AIFM2: variants seen among roughly 807,000 people sequenced by gnomAD.
AIFM2 encodes ferroptosis suppressor protein 1.
A neutral mutation model predicts 35.7 loss-of-function variants in AIFM2; 38 were observed. The ratio of observed to expected loss-of-function variants is 1.06; its 90% CI spans 0.82 to 1.39. The LOEUF is 1.39. Ranked by LOEUF, AIFM2 falls within the 40% of genes most tolerant of loss-of-function variation. AIFM2 has a pLI of 0.00. For synonymous variants in AIFM2, 185 were observed against 203.5 expected (o/e 0.91, Z 0.77); for missense variants, 476 against 491.2 (o/e 0.97, Z 0.29).
chr10:70,121,026 C>T (rs1319768377), intron 4 of AIFM2, 66 bp downstream of exon 4: 3 of 1,568,236 alleles, frequency 1.9e-6, no homozygotes, highest in Non-Finnish European at 2.6e-6. Context: ...AGCTGCAGGC[C>T]TAGGCATCCC....
At chr10:70,121,475 G>A (rs1426608061) in intron 3 of AIFM2, among the ~76,000 whole-genome samples, 2 of 152,104 alleles carry the variant, frequency 1.3e-5, no homozygotes, top group Non-Finnish European at 2.9e-5. Flanking sequence ...GGGGGCAACT[G>A]GAGCCACCCA....
Position 70,117,790 on chromosome 10 carries a change from A to T in AIFM2, c.616+22T>A, listed in dbSNP as rs750422578. 6.3e-6 allele frequency: 10 copies of T among 1,581,596 alleles called. No homozygotes were observed. Among genetic ancestry groups the T allele is most frequent in the Non-Finnish European group, 8.6e-6 (10 of 1,160,360 alleles). On this transcript the variant is annotated intron_variant, in intron 6 of 8. Coordinates refer to ENST00000307864, the MANE Select transcript of AIFM2 (RefSeq NM_032797.6). The surrounding 1 kb of genome is among the most constrained non-coding windows in gnomAD (Gnocchi z 4.7). ...CTCACCAGGCCAGGGCAGGGCAGGG[A>T]GGGAGGTGAGGGTGCACGTACTCAG...
In AIFM2 at chr10:70,121,146, A is replaced by G. The variant is rs1198888399; in HGVS notation, c.360T>C (p.Asn120=). 7 of 1,603,468 alleles carry G rather than the reference A, an allele frequency of 4.4e-6. No homozygotes were observed. The highest frequency in any genetic ancestry group is 2.8e-5 in the African/African-American group (2 of 72,328). ...TAGCGGCCTGCTGGCTGGAAACCTC[A>G]TTAAACTTGCCCGGGAAGGGCCCAG... ...GSTGPFPGKF[N]EVSSQQAAIQ... is the part of the protein sequence containing the mutation. The change falls in exon 4 of 9, where the codon AAT becomes AAC. Residue 120 remains asparagine, a synonymous_variant. Coordinates refer to ENST00000307864, the MANE Select transcript of AIFM2 (RefSeq NM_032797.6).
At position 70,123,915 on chromosome 10, in the gene AIFM2, A is replaced by C. The variant is rs892516562; in HGVS notation, c.170T>G (p.Val57Gly). ...HHNVAALRAS[V>G]ETGFAKKTFI... Reference sequence around the variant, plus strand: ...AGACGGGAGCACATTACCTGTCTCCACGGAGGCTCGGAGAGCAGCCACATT... The same window carrying C: ...AGACGGGAGCACATTACCTGTCTCCCCGGAGGCTCGGAGAGCAGCCACATT... The change falls in exon 2 of 9, where the codon GTG (valine) becomes GGG (glycine). Residue 57 changes from valine (V) to glycine (G), a missense_variant. Transcript: ENST00000307864. 1 of 1,585,040 alleles carries C rather than the reference A, an allele frequency of 6.3e-7. No individual in the cohort carries two copies. Among genetic ancestry groups the C allele is most frequent in the African/African-American group, 1.3e-5 (1 of 74,104 alleles).
At position 70,112,493 on chromosome 10, in the gene AIFM2, T is replaced by TAAAG. The variant is rs1004372758; in HGVS notation, c.*1681_*1684dup. The stretch of plus-strand genomic sequence containing the variant: ...AAGGTGGGCTTCCCTTCGTGGTCCA[T>TAAAG]AAAGAAAGACAGATACTTGGATGCA... On this transcript the variant is annotated 3_prime_UTR_variant, in exon 9 of 9. Transcript: ENST00000307864. 13 of 152,146 alleles carry TAAAG rather than the reference T, an allele frequency of 8.5e-5. No homozygotes were observed. The highest frequency in any genetic ancestry group is 2.9e-4 in the African/African-American group (12 of 41,448). 9.4% of individuals were successfully genotyped at this position (152,146 alleles called of 1,614,324 possible).
chr10:70,116,633 C>T lies in AIFM2; in HGVS notation c.758G>A (p.Arg253His), dbSNP rs145619443. ...TGIKINSSAY[R>H]KAFESRLASS... is the part of the protein sequence containing the mutation. ...GGGCACCTGCTCACCAAACGCTTTGCGGTAGGCGGAGCTGTTGATCTTGAT... is the reference window on the plus strand; with the variant it reads ...GGGCACCTGCTCACCAAACGCTTTGTGGTAGGCGGAGCTGTTGATCTTGAT... Residue 253 changes from arginine to histidine, a missense_variant, in exon 7 of 9, where the codon CGC (arginine) becomes CAC (histidine). Physicochemically the swap from Arg to His is conservative, Grantham distance 29 (BLOSUM62 0). Coordinates refer to ENST00000307864, the MANE Select transcript of AIFM2 (RefSeq NM_032797.6). 1.7e-5 allele frequency: 28 copies of T among 1,613,574 alleles called. No individual in the cohort carries two copies. The African/African-American group carries it at 2.4e-4, about 14-fold the overall frequency.
Position 70,113,532 on chromosome 10 carries a change from A to G in AIFM2, c.*646T>C, listed in dbSNP as rs2072400367. ...ACAGGGCGAGACTGTCTCAAAAATA[A>G]ATAAACAAACAAACAAATAAAGTGG... On this transcript the variant is annotated 3_prime_UTR_variant, in exon 9 of 9. Coordinates refer to ENST00000307864, the MANE Select transcript of AIFM2 (RefSeq NM_032797.6). 1 of 152,270 alleles carries G rather than the reference A, an allele frequency of 6.6e-6. No homozygotes were observed. Among genetic ancestry groups the G allele is most frequent in the Admixed American group, 6.5e-5 (1 of 15,268 alleles). The allele number at this position is 152,270 out of a possible 1,614,324, so 9.4% of individuals were successfully genotyped here. A position where few individuals can be genotyped will look rare whatever the true frequency, so the allele number is the denominator to read the frequency against.
Position 70,116,617 on chromosome 10 carries a change from C to T in AIFM2, c.769+5G>A. On this transcript the variant is annotated splice_donor_5th_base_variant and intron_variant, in intron 7 of 8. Coordinates refer to ENST00000307864, the MANE Select transcript of AIFM2 (RefSeq NM_032797.6). ...CAGGGGAAGCCCGGCTGGGCACCTG[C>T]TCACCAAACGCTTTGCGGTAGGCGG... 1.9e-6 allele frequency: 3 copies of T among 1,613,254 alleles called. No homozygotes were observed. The highest frequency in any genetic ancestry group is 2.5e-6 in the Non-Finnish European group (3 of 1,179,874).
chr10:70,120,440 A>G, intron 5 of AIFM2, 67 bp downstream of exon 5: 1 of 1,508,660 alleles, frequency 6.6e-7, no homozygotes, highest in Non-Finnish European at 9.2e-7. Flanking sequence ...CAAATTCCTG[A>G]TGTTCCTAAG....
Position 70,121,077 on chromosome 10 carries a change from C to T in AIFM2, c.414+15G>A. 3 of 1,607,524 alleles carry T rather than the reference C, an allele frequency of 1.9e-6. No homozygotes were observed. The highest frequency in any genetic ancestry group is 2.5e-6 in the Non-Finnish European group (3 of 1,178,576). On this transcript the variant is annotated intron_variant, in intron 4 of 8. Coordinates refer to ENST00000307864, the MANE Select transcript of AIFM2 (RefSeq NM_032797.6). ...ATCTGCCCACACTGCCCCATGCCTT[C>T]AGTGCACAGCTCACCTGCCTCACCA...
In AIFM2 at chr10:70,131,482, C is replaced by T. The variant is rs2072626062; in HGVS notation, c.-14+1252G>A. Among the ~76,000 whole-genome samples, 1 of 152,226 alleles carries T rather than the reference C, an allele frequency of 6.6e-6. No homozygotes were observed. Among genetic ancestry groups the T allele is most frequent in the African/African-American group, 2.4e-5 (1 of 41,466 alleles). ...AAAGGGACTCAAAGTCTAAGGGAGGCAGCCTCCTTTTATCCCCAGGGGAGG... is the reference window on the plus strand; with the variant it reads ...AAAGGGACTCAAAGTCTAAGGGAGGTAGCCTCCTTTTATCCCCAGGGGAGG... On this transcript the variant is annotated intron_variant, in intron 1 of 8. Coordinates refer to ENST00000307864, the MANE Select transcript of AIFM2 (RefSeq NM_032797.6). The surrounding 1 kb of genome is among the most constrained non-coding windows in gnomAD (Gnocchi z 4.1).
At position 70,124,068 on chromosome 10, in the gene AIFM2, G is replaced by A. The variant is rs775593494; in HGVS notation, c.17C>T (p.Ser6Leu). 19 of 1,559,828 alleles carry A rather than the reference G, an allele frequency of 1.2e-5. No individual in the cohort carries two copies. The highest frequency in any genetic ancestry group is 3.4e-4 in the Middle Eastern group (2 of 5,888). ...CACGTGCAGAGCTCCCGATTCCACC[G>A]AGACCTGGGACCCCATCTCAAATCA... MGSQV[S>L]VESGALHVVI... Residue 6 changes from serine to leucine, a missense_variant, in exon 2 of 9, where the codon TCG becomes TTG. Transcript: ENST00000307864.
At chr10:70,123,144 G>C (rs1162742004) in intron 3 of AIFM2, among the ~76,000 whole-genome samples, 1 of 152,164 alleles carries the variant, frequency 6.6e-6, no homozygotes, top group Admixed American at 6.5e-5. Context: ...CCAGCCTCCT[G>C]AGTAGCTGAG....
Position 70,113,956 on chromosome 10 carries a change from G to A in AIFM2, c.*222C>T. On this transcript the variant is annotated 3_prime_UTR_variant, in exon 9 of 9. Coordinates refer to ENST00000307864, the MANE Select transcript of AIFM2 (RefSeq NM_032797.6). ...AGCCGCTCACCCAGTACCACAGCAA[G>A]CACACCTTCCAAACCCAGAAAGTAT... 2 of 570,680 alleles carry A rather than the reference G, an allele frequency of 3.5e-6. No homozygotes were observed. The highest frequency in any genetic ancestry group is 2.2e-5 in the South Asian group (1 of 44,512). 35.4% of individuals were successfully genotyped at this position (570,680 alleles called of 1,614,324 possible).
chr10:70,124,047 T>TACAAA lies in AIFM2; in HGVS notation c.37_38insTTTGT (p.His13LeufsTer5). 6.2e-7 allele frequency: 1 copy of TACAAA among 1,602,380 alleles called. No homozygotes were observed. Among genetic ancestry groups the TACAAA allele is most frequent in the Non-Finnish European group, 8.5e-7 (1 of 1,173,928 alleles). ...AAAGCCCCCACCCACAATCACCACG[T>TACAAA]GCAGAGCTCCCGATTCCACCGAGAC... is the stretch of plus-strand genomic sequence containing the variant. On this transcript the variant is annotated frameshift_variant, in exon 2 of 9. Transcript: ENST00000307864. LOFTEE classifies it high-confidence loss of function.
At chr10:70,123,331 G>T in intron 3 of AIFM2, 74 bp downstream of exon 3, 2 of 1,327,312 alleles carry the variant, frequency 1.5e-6, no homozygotes, top group Non-Finnish European at 2.1e-6. Context: ...GCTCTCTCTT[G>T]ACCCTGGAGG....
In AIFM2 at chr10:70,114,223, C is replaced by A. The variant is rs750443319; in HGVS notation, c.1077G>T (p.Leu359=). ...TGGTTTTCCAGCTCGTAGAGACGAA[C>A]AGGTCCCGGCTCTTGGTCAGCCGAA... The part of the protein sequence containing the change: ...LMVRLTKSRD[L]FVSTSWKTMR... Residue 359 remains leucine (L), a synonymous_variant, in exon 9 of 9, where the codon CTG becomes CTT. Coordinates refer to ENST00000307864, the MANE Select transcript of AIFM2 (RefSeq NM_032797.6). 6.2e-7 allele frequency: 1 copy of A among 1,613,924 alleles called. No individual in the cohort carries two copies. Among genetic ancestry groups the A allele is most frequent in the South Asian group, 1.1e-5 (1 of 91,082 alleles).
chr10:70,117,740 C>T lies in AIFM2; in HGVS notation c.616+72G>A. On this transcript the variant is annotated intron_variant, in intron 6 of 8. Coordinates refer to ENST00000307864, the MANE Select transcript of AIFM2 (RefSeq NM_032797.6). The surrounding 1 kb of genome is among the most constrained non-coding windows in gnomAD (Gnocchi z 4.7). The stretch of plus-strand genomic sequence containing the variant: ...ACCATAGCCACCCTCCTGCTGGAAG[C>T]AGTCACCAAGCCTCCAAGCCACATC... The T allele has an allele frequency of 7.9e-7, 1 of 1,272,208 alleles. No individual in the cohort carries two copies. 78.8% of individuals were successfully genotyped at this position (1,272,208 alleles called of 1,614,324 possible). A position where few individuals can be genotyped will look rare whatever the true frequency, so the allele number is the denominator to read the frequency against.
intron 4 of AIFM2, 82 bp downstream of exon 4, chr10:70,121,010 C>T (rs967401445): frequency 6.2e-5 from 96 of 1,541,480 alleles, no homozygotes; most frequent in Admixed American, 1.4e-4. Context: ...AACCCCGTGG[C>T]CTCCCAGCTG....
Sources: allele counts gnomAD v4.1 joint callset (sites outside exome capture counted in the v4.1 genomes callset), GRCh38; gene constraint gnomAD v4.1.1; non-coding constraint Gnocchi (gnomAD v3.1); transcripts MANE v1.5; gene names NCBI Gene and HGNC (gene_info 2026-07-23, HGNC 2026-07-21).